Variants in AATF observed in about 807,000 individuals in gnomAD.
AATF encodes apoptosis antagonizing transcription factor, also known as protein AATF.
A neutral mutation model predicts 63.7 loss-of-function variants in AATF; 48 were observed. That is an observed-to-expected ratio of 0.75 (90% CI 0.60 to 0.96). The LOEUF (loss-of-function observed/expected upper bound fraction) is 0.96. AATF is among the 40% of genes least tolerant of loss of function. The pLI is 0.00. For missense variants in AATF, 639 were observed against 685.7 expected, an observed-to-expected ratio of 0.93 and a Z score of 0.76; for synonymous variants, 258 against 247.7, an observed-to-expected ratio of 1.04 and a Z score of -0.39.
At chr17:36,955,615 A>G (rs905986713) in intron 4 of AATF, among the ~76,000 whole-genome samples, 2 of 152,134 alleles carry the variant, frequency 1.3e-5, no homozygotes, top group African/African-American at 4.8e-5. Context: ...AATGTTTTAA[A>G]TGTTTCACGA....
chr17:37,008,194 T>TA (rs1393273216), intron 8 of AATF, among the ~76,000 whole-genome samples: 1 of 152,244 alleles, frequency 6.6e-6, no homozygotes, highest in African/African-American at 2.4e-5. Context: ...TCTATGAGCA[T>TA]GATCTGATGT....
intron 11 of AATF, among the ~76,000 whole-genome samples, chr17:37,033,006 T>C (rs2071563423): frequency 6.6e-6 from 1 of 152,212 alleles, no homozygotes; most frequent in Admixed American, 6.5e-5. Context: ...AACTTTTTAT[T>C]TTAGAGTATT....
intron 4 of AATF, among the ~76,000 whole-genome samples, chr17:36,978,136 G>T (rs185717588): frequency 1.3e-5 from 2 of 152,068 alleles, no homozygotes; most frequent in African/African-American, 4.8e-5. Flanking sequence ...AAAATGGTAA[G>T]AATTTTTTTT....
chr17:36,982,401 T>G (rs2071133383), intron 4 of AATF, among the ~76,000 whole-genome samples: 1 of 152,188 alleles, frequency 6.6e-6, no homozygotes, highest in African/African-American at 2.4e-5. Context: ...TTGCCCAGGC[T>G]GGAGTACAGT....
At chr17:36,996,770 A>G (rs2071257948) in intron 8 of AATF, among the ~76,000 whole-genome samples, 1 of 152,204 alleles carries the variant, frequency 6.6e-6, no homozygotes, top group South Asian at 2.1e-4. Context: ...CAAAAGCCAC[A>G]TTTTTAAATG....
intron 4 of AATF, among the ~76,000 whole-genome samples, chr17:36,957,806 T>G (rs1290659514): frequency 6.6e-6 from 1 of 152,208 alleles, no homozygotes; most frequent in Non-Finnish European, 1.5e-5. Flanking sequence ...TGTCACTTAC[T>G]CTGATAACCC....
At chr17:36,952,834 A>G (rs1420240180) in intron 2 of AATF, 52 bp from the exon 3 acceptor site, 2 of 1,574,930 alleles carry the variant, frequency 1.3e-6, no homozygotes, top group Non-Finnish European at 1.7e-6. Context: ...ATGGCTTGGT[A>G]TTTTCTCCAG....
chr17:36,975,350 G>A (rs2071072127), intron 4 of AATF, among the ~76,000 whole-genome samples: 1 of 151,872 alleles, frequency 6.6e-6, no homozygotes, highest in Non-Finnish European at 1.5e-5. Flanking sequence ...TCTGTTTATA[G>A]CTCTAAAAAA....
intron 8 of AATF, among the ~76,000 whole-genome samples, chr17:36,993,498 A>G (rs1167838178): frequency 5.3e-5 from 8 of 152,244 alleles, no homozygotes. Flanking sequence ...TGATAAGGCT[A>G]AAGAAAATGG....
chr17:36,989,156 C>G (rs2071193305), intron 6 of AATF, 91 bp from the exon 7 acceptor site: 2 of 1,372,430 alleles, frequency 1.5e-6, no homozygotes, highest in South Asian at 1.5e-5. Context: ...TTTTCTATCT[C>G]TCTGCTGACA....
chr17:36,949,675 C>G (rs1426165678), intron 1 of AATF, among the ~76,000 whole-genome samples: 3 of 152,250 alleles, frequency 2.0e-5, no homozygotes, highest in Non-Finnish European at 4.4e-5. Flanking sequence ...CTTGAAGTCT[C>G]AAGACACTTG....
chr17:37,025,185 T>A (rs910879958), intron 10 of AATF, among the ~76,000 whole-genome samples: 4 of 152,180 alleles, frequency 2.6e-5, no homozygotes, highest in Non-Finnish European at 5.9e-5. Context: ...TTGATATGTA[T>A]AAGAGAGAGG....
Position 36,950,208 on chromosome 17 carries a change from C to T in AATF, c.92-6C>T, listed in dbSNP as rs762509269. ...ATTCTGTTTACTTTTCCCTCTCCCC[C>T]GACAGCCACTGCTGCCAGGGTGATT... is the stretch of plus-strand genomic sequence containing the variant. On this transcript the variant is annotated splice_polypyrimidine_tract_variant and splice_region_variant and intron_variant, in intron 1 of 11. Coordinates refer to ENST00000619387, the MANE Select transcript of AATF (RefSeq NM_012138.4). The T allele has an allele frequency of 2.5e-6, 4 of 1,611,168 alleles. No homozygotes were observed. Among genetic ancestry groups the T allele is most frequent in the East Asian group, 2.2e-5 (1 of 44,800 alleles).
rs571258571 is a variant in AATF, at chr17:36,986,396, A to G, written c.833-221A>G. On this transcript the variant is annotated intron_variant, in intron 4 of 11. Transcript: ENST00000619387. ...GCAGACACTTTTCTAAGCACCTTAC[A>G]TGCATGATCTTGCTTGTTCCTCACA... Among the ~76,000 whole-genome samples, 4 of 152,326 alleles carry G rather than the reference A, an allele frequency of 2.6e-5. No individual in the cohort carries two copies. In the South Asian group the frequency reaches 8.3e-4, roughly 32 times the overall value.
intron 8 of AATF, among the ~76,000 whole-genome samples, chr17:37,006,983 A>G (rs796281781): frequency 3.1e-4 from 47 of 152,338 alleles, no homozygotes; most frequent in African/African-American, 1.1e-3. Flanking sequence ...GCCTCTAGCT[A>G]TACATTCTCT....
chr17:36,956,579 A>G (rs979351420), intron 4 of AATF, among the ~76,000 whole-genome samples: 1 of 152,034 alleles, frequency 6.6e-6, no homozygotes, highest in East Asian at 1.9e-4. Context: ...AGGCTGAGGC[A>G]GGAGAATTGC....
rs183058207 is a variant in AATF at position 37,009,192 on chromosome 17, C to T, written c.1399-9813C>T. 7.9e-3 allele frequency among the ~76,000 whole-genome samples: 1,194 copies of T among 151,992 alleles called. 13 individuals are homozygous for T. Among genetic ancestry groups the T allele is most frequent in the African/African-American group, 0.028 (1,152 of 41,474 alleles). On this transcript the variant is annotated intron_variant, in intron 8 of 11. Coordinates refer to ENST00000619387, the MANE Select transcript of AATF (RefSeq NM_012138.4). ...TGTTGCCCAGGCTGGAGTGCAGTGG[C>T]GCGATCTCGGCTCACTGCAACCTCC... is the stretch of plus-strand genomic sequence containing the variant.
rs60374815 is a variant in AATF, at chr17:37,048,363, CTTTTTTT to C, written c.1620-8218_1620-8212del. On this transcript the variant is annotated intron_variant, in intron 11 of 11. Coordinates refer to ENST00000619387, the MANE Select transcript of AATF (RefSeq NM_012138.4). Reference sequence around the variant, plus strand: ...TCTTGGGGAGCTAAGTTTTTCTTTTCTTTTTTTTTTTTTTTTTTTTTTTTTTAGATGG... The same window carrying C: ...TCTTGGGGAGCTAAGTTTTTCTTTTCTTTTTTTTTTTTTTTTTTTAGATGG... 4.7e-4 allele frequency among the ~76,000 whole-genome samples: 33 copies of C among 70,830 alleles called. No individual in the cohort carries two copies. In the East Asian group the frequency reaches 6.8e-3, roughly 15 times the overall value. The allele number at this position is 70,830 out of a possible 152,430, so 46.5% of individuals were successfully genotyped here.
intron 11 of AATF, among the ~76,000 whole-genome samples, chr17:37,041,283 AT>A (rs2071637824): frequency 6.6e-6 from 1 of 152,180 alleles, no homozygotes; most frequent in African/African-American, 2.4e-5. Flanking sequence ...ATTGTTGGAC[AT>A]TTAGGTTGTT....
Sources: gnomAD v4.1 joint callset for allele counts (sites outside exome capture counted in the v4.1 genomes callset) on GRCh38, gnomAD v4.1.1 for gene constraint, MANE v1.5 for transcripts, NCBI Gene and HGNC (gene_info 2026-07-23, HGNC 2026-07-21) for gene names.